Variants in NUP188 observed in about 807,000 individuals in gnomAD.
NUP188 encodes the protein nucleoporin 188, also known as nucleoporin NUP188.
Under a neutral mutation model 223.0 loss-of-function variants are expected in NUP188, and 97 were observed. That is an observed-to-expected ratio of 0.43 (90% CI 0.37 to 0.51). The LOEUF (loss-of-function observed/expected upper bound fraction) is 0.51. Among genes scored for constraint, NUP188 ranks in the 20% least tolerant of loss-of-function variants. The pLI is 0.00. For synonymous variants in NUP188, 869 were observed against 828.0 expected (o/e 1.05, Z -0.85); for missense variants, 1,947 against 2,175.6 (o/e 0.89, Z 2.09).
At position 128,947,755 on chromosome 9, in the gene NUP188, C is replaced by G. The variant is rs1042838968; in HGVS notation, c.32+4C>G. On this transcript the variant is annotated splice_donor_region_variant and intron_variant, in intron 1 of 43. Transcript: ENST00000372577. ...CCGCCGGCGGGCCGTGTGTGAGGTG[C>G]GGAGCGGGTCGAATGGACCGGGGTG... 1 of 1,456,428 alleles carries G rather than the reference C, an allele frequency of 6.9e-7. No individual in the cohort carries two copies. Among genetic ancestry groups the G allele is most frequent in the Non-Finnish European group, 9.0e-7 (1 of 1,105,740 alleles). 90.2% of individuals were successfully genotyped at this position (1,456,428 alleles called of 1,614,324 possible).
chr9:128,950,638 C>G (rs1841769906), intron 2 of NUP188, among the ~76,000 whole-genome samples: 1 of 152,090 alleles, frequency 6.6e-6, no homozygotes, highest in South Asian at 2.1e-4. Context: ...TGCACAAGCT[C>G]AAGGCCAACC....
chr9:128,993,142 A>G (rs773330008), intron 25 of NUP188, 55 bp from the exon 26 acceptor site: 296 of 1,463,102 alleles, frequency 2.0e-4, no homozygotes, highest in Middle Eastern at 1.8e-3. Flanking sequence ...GTGGGAGCCC[A>G]TTGAGGTTTT....
At chr9:128,958,779 A>G (rs760483412) in intron 6 of NUP188, 23 bp from the exon 7 acceptor site, 1 of 1,441,200 alleles carries the variant, frequency 6.9e-7, no homozygotes. Context: ...TGAGTAACTG[A>G]TTTTGAATTT....
intron 10 of NUP188, 39 bp from the exon 11 acceptor site, chr9:128,970,719 T>C (rs772469876): frequency 1.2e-5 from 19 of 1,564,860 alleles, no homozygotes; most frequent in African/African-American, 1.1e-4. Context: ...ATTAACACTT[T>C]CTGTTCGGAG....
intron 5 of NUP188, 52 bp from the exon 6 acceptor site, chr9:128,957,958 C>G: frequency 1.4e-6 from 2 of 1,388,500 alleles, no homozygotes; most frequent in Non-Finnish European, 2.0e-6. Context: ...TTTTTTATTA[C>G]TTGAGTTTTG....
intron 30 of NUP188, 86 bp from the exon 31 acceptor site, chr9:128,998,065 A>T: frequency 1.1e-6 from 1 of 902,204 alleles, no homozygotes; most frequent in Non-Finnish European, 1.9e-6. Flanking sequence ...ACCAATGACT[A>T]ATTGCCTAGC....
Position 129,006,688 on chromosome 9 carries a change from G to C in NUP188, c.*10G>C. 6.2e-7 allele frequency: 1 copy of C among 1,607,900 alleles called. No individual in the cohort carries two copies. The highest frequency in any genetic ancestry group is 2.2e-5 in the East Asian group (1 of 44,870). ...GCATATGCAAAGATAGGGCAGTGCTGTTCTGCCCACCTACCCCTCTCCACC... is the reference window on the plus strand; with the variant it reads ...GCATATGCAAAGATAGGGCAGTGCTCTTCTGCCCACCTACCCCTCTCCACC... On this transcript the variant is annotated 3_prime_UTR_variant, in exon 44 of 44. Coordinates refer to ENST00000372577, the MANE Select transcript of NUP188 (RefSeq NM_015354.3).
chr9:129,005,571 C>T (rs368641437), intron 40 of NUP188, 41 bp downstream of exon 40: 7 of 1,610,874 alleles, frequency 4.3e-6, no homozygotes, highest in African/African-American at 4.0e-5. Context: ...CCCCTAAAGG[C>T]TCTGCTCTGC....
chr9:129,001,896 G>A lies in NUP188; in HGVS notation c.4057G>A (p.Val1353Met). Residue 1353 changes from valine (V) to methionine (M), a missense_variant, in exon 36 of 44, where the codon GTG becomes ATG. Transcript: ENST00000372577. ...LARTQQGATAVAGAGITQSIC... is the reference protein window; with the variant it reads ...LARTQQGATAMAGAGITQSIC... ...TCCCTCCTCCCAGGGAGCCACAGCAGTGGCTGGAGCTGGCATCACCCAGAG... is the reference window on the plus strand; with the variant it reads ...TCCCTCCTCCCAGGGAGCCACAGCAATGGCTGGAGCTGGCATCACCCAGAG... 1 of 1,614,136 alleles carries A rather than the reference G, an allele frequency of 6.2e-7. No homozygotes were observed. Among genetic ancestry groups the A allele is most frequent in the Non-Finnish European group, 8.5e-7 (1 of 1,179,986 alleles).
chr9:129,006,252 T>A lies in NUP188; in HGVS notation c.4957T>A (p.Phe1653Ile), dbSNP rs1483525104. The change falls in exon 43 of 44, where the codon TTT (phenylalanine) becomes ATT (isoleucine). Residue 1653 changes from phenylalanine (F) to isoleucine (I), a missense_variant. Phe to Ile is a conservative substitution (Grantham distance 21). Coordinates refer to ENST00000372577, the MANE Select transcript of NUP188 (RefSeq NM_015354.3). The part of the protein sequence containing the change: ...GTRTLKSLLM[F>I]TMENCFYLLI... ...GTCTCCTCCCAGGTCCCTCCTGATG[T>A]TTACCATGGAAAACTGCTTCTACCT... 1 of 1,614,162 alleles carries A rather than the reference T, an allele frequency of 6.2e-7. No individual in the cohort carries two copies. Among genetic ancestry groups the A allele is most frequent in the South Asian group, 1.1e-5 (1 of 91,078 alleles).
chr9:128,979,302 C>T lies in NUP188; in HGVS notation c.1244C>T (p.Ser415Phe). 1 of 1,612,612 alleles carries T rather than the reference C, an allele frequency of 6.2e-7. No homozygotes were observed. The highest frequency in any genetic ancestry group is 8.5e-7 in the Non-Finnish European group (1 of 1,178,926). ...GCATGTGAAGTATTGGCCGACCCTT[C>T]TCTTCCGGAACTGTTCTGGGGAACA... ...DTACEVLADP[S>F]LPELFWGTEP... The change falls in exon 13 of 44, where the codon TCT becomes TTT. Residue 415 changes from serine (S) to phenylalanine (F), a missense_variant. Coordinates refer to ENST00000372577, the MANE Select transcript of NUP188 (RefSeq NM_015354.3).
At chr9:128,988,793 C>T (rs1842375716) in intron 24 of NUP188, among the ~76,000 whole-genome samples, 1 of 127,250 alleles carries the variant, frequency 7.9e-6, no homozygotes, top group Non-Finnish European at 1.6e-5. Flanking sequence ...GTGGCGCAAT[C>T]TCGGCTTACT....
rs540091414 is a variant in NUP188, at chr9:129,006,576, C to G, written c.5148C>G (p.Pro1716=). The G allele has an allele frequency of 6.2e-7, 1 of 1,614,242 alleles. No individual in the cohort carries two copies. The highest frequency in any genetic ancestry group is 8.5e-7 in the Non-Finnish European group (1 of 1,180,038). Residue 1716 remains proline (P), a synonymous_variant, in exon 44 of 44, where the codon CCC becomes CCG. Coordinates refer to ENST00000372577, the MANE Select transcript of NUP188 (RefSeq NM_015354.3). ...GCTCCCCTGCCACTGGTGTCCTCCC[C>G]TCGCCGCAGGGCAAGTCCACCTCTC... ...APSSPATGVL[P]SPQGKSTSLS... is the part of the protein sequence containing the mutation.
At chr9:128,999,409 T>G in intron 33 of NUP188, 92 bp downstream of exon 33, 1 of 1,496,404 alleles carries the variant, frequency 6.7e-7, no homozygotes, top group Non-Finnish European at 9.0e-7. Context: ...GGCCACACAT[T>G]TCTTCTGGGA....
intron 2 of NUP188, among the ~76,000 whole-genome samples, chr9:128,950,285 G>A (rs549305569): frequency 3.9e-5 from 6 of 152,006 alleles, no homozygotes; most frequent in African/African-American, 7.2e-5. Context: ...GCAGTGGCAC[G>A]ATCTTGGCTC....
At chr9:128,961,142 A>G (rs1841944501) in intron 8 of NUP188, among the ~76,000 whole-genome samples, 2 of 150,816 alleles carry the variant, frequency 1.3e-5, no homozygotes, top group African/African-American at 4.9e-5. Context: ...CAATATGGTG[A>G]AGCCCTGTCT....
chr9:128,947,808 C>G, intron 1 of NUP188, 57 bp downstream of exon 1: 1 of 1,330,008 alleles, frequency 7.5e-7, no homozygotes, highest in Middle Eastern at 2.0e-4. Context: ...CAAAGCCGAG[C>G]GGAAGCGGGG....
intron 12 of NUP188, among the ~76,000 whole-genome samples, chr9:128,975,916 G>A (rs552073325): frequency 6.6e-6 from 1 of 152,222 alleles, no homozygotes; most frequent in African/African-American, 2.4e-5. Flanking sequence ...CTTGTCTCCT[G>A]GGTTCAAGTG....
At chr9:128,948,299 C>T (rs1841720910) in intron 1 of NUP188, 1 of 152,606 alleles carries the variant, frequency 6.6e-6, no homozygotes, top group Admixed American at 6.5e-5. Flanking sequence ...TTTTCTTGCA[C>T]TGAATCAAGT....
Sources: allele counts gnomAD v4.1 joint callset (sites outside exome capture counted in the v4.1 genomes callset), GRCh38; gene constraint gnomAD v4.1.1; transcripts MANE v1.5; gene names NCBI Gene and HGNC (gene_info 2026-07-23, HGNC 2026-07-21).